Variants in STK3 observed in about 807,000 individuals in gnomAD.
STK3 encodes the protein serine/threonine-protein kinase 3.
In STK3, 41 loss-of-function variants were observed where a neutral mutation model predicts 58.0. That is an observed-to-expected ratio of 0.71 (90% CI 0.55 to 0.92). STK3 has a LOEUF of 0.92. STK3 is among the 40% of genes least tolerant of loss of function. The pLI is 0.00. For missense variants in STK3, 479 were observed against 602.7 expected (o/e 0.79, Z 2.15); for synonymous variants, 170 against 191.0 (o/e 0.89, Z 0.91).
intron 1 of STK3, among the ~76,000 whole-genome samples, chr8:98,387,256 T>C (rs1335209369): frequency 6.6e-6 from 1 of 152,210 alleles, no homozygotes; most frequent in Non-Finnish European, 1.5e-5. Flanking sequence ...TATTCTAAAA[T>C]ATATGTGTAG....
chr8:98,369,634 G>A (rs1208376318), downstream of STK3, among the ~76,000 whole-genome samples: 1 of 152,170 alleles, frequency 6.6e-6, no homozygotes, highest in Non-Finnish European at 1.5e-5. Flanking sequence ...TTGCAGGGAG[G>A]AGGAGGGGCC....
intron 1 of STK3, among the ~76,000 whole-genome samples, chr8:98,817,157 T>C (rs533919117): frequency 6.6e-6 from 1 of 152,092 alleles, no homozygotes; most frequent in East Asian, 1.9e-4. Flanking sequence ...AACAATAGGA[T>C]AAAAATAGAA....
At chr8:98,450,105 ACTTT>A (rs1273839253), downstream of STK3, among the ~76,000 whole-genome samples, 1 of 152,182 alleles carries the variant, frequency 6.6e-6, no homozygotes, top group Non-Finnish European at 1.5e-5. Context: ...AAGATATACA[ACTTT>A]CTTTCCTCCG....
intron 1 of STK3, among the ~76,000 whole-genome samples, chr8:98,908,427 C>A (rs1838995888): frequency 2.0e-5 from 3 of 152,184 alleles, no homozygotes; most frequent in Non-Finnish European, 4.4e-5. Flanking sequence ...ATGGCTCATG[C>A]CTGTAATCCC....
rs1326767170 is a variant in STK3 at position 98,800,510 on chromosome 8, G to A, written c.26+25005C>T. ...CCACGCTTGAGGAGCCCTTCAGCCTGCCGCTGCACTGTGGGAGCCCCTCTC... is the reference window on the plus strand; with the variant it reads ...CCACGCTTGAGGAGCCCTTCAGCCTACCGCTGCACTGTGGGAGCCCCTCTC... On this transcript the variant is annotated intron_variant, in intron 1 of 10. Transcript: ENST00000419617. This position sits in a 1 kb window ranked among gnomAD's most constrained non-coding sequence, Gnocchi z 4.8. Among the ~76,000 whole-genome samples, 1 of 152,238 alleles carries A rather than the reference G, an allele frequency of 6.6e-6. No individual in the cohort carries two copies. Among genetic ancestry groups the A allele is most frequent in the African/African-American group, 2.4e-5 (1 of 41,470 alleles).
intron 1 of STK3, among the ~76,000 whole-genome samples, chr8:98,448,582 G>A (rs1819057349): frequency 6.6e-6 from 1 of 152,184 alleles, no homozygotes; most frequent in South Asian, 2.1e-4. Context: ...CAGTGCTTTA[G>A]TATCAGGTTT....
chr8:98,589,149 A>G (rs1356342999), intron 7 of STK3, among the ~76,000 whole-genome samples: 83 of 152,220 alleles, frequency 5.5e-4, no homozygotes, highest in African/African-American at 1.3e-3. Context: ...GAGGAACTGC[A>G]TTCCTTTGGA....
At chr8:98,908,667 AC>A (rs1839009595) in intron 1 of STK3, among the ~76,000 whole-genome samples, 1 of 151,714 alleles carries the variant, frequency 6.6e-6, no homozygotes, top group African/African-American at 2.4e-5. Context: ...ACATGGTGAA[AC>A]CCTGTCTCTA....
intron 3 of STK3, among the ~76,000 whole-genome samples, chr8:98,838,862 C>G (rs1249599054): frequency 6.6e-6 from 1 of 152,030 alleles, no homozygotes; most frequent in Non-Finnish European, 1.5e-5. Context: ...TCTCCCTCCC[C>G]GCAATCCCGC....
At chr8:98,676,046 GAC>G (rs1342794506) in intron 6 of STK3, among the ~76,000 whole-genome samples, 2 of 152,170 alleles carry the variant, frequency 1.3e-5, no homozygotes, top group African/African-American at 4.8e-5. Context: ...ATGAAATTCT[GAC>G]AGTTACTACA....
intron 8 of STK3, among the ~76,000 whole-genome samples, chr8:98,552,507 A>C (rs1189311923): frequency 1.3e-5 from 2 of 152,138 alleles, no homozygotes; most frequent in Non-Finnish European, 2.9e-5. Context: ...TTTCTTGAGC[A>C]TTCTAAACAT....
chr8:98,768,707 C>T (rs1387671872), intron 2 of STK3, among the ~76,000 whole-genome samples: 1 of 152,258 alleles, frequency 6.6e-6, no homozygotes, highest in East Asian at 1.9e-4. Flanking sequence ...GAAAGAGAAG[C>T]TGCAATCCCC....
intron 9 of STK3, among the ~76,000 whole-genome samples, chr8:98,542,336 A>G (rs1810352801): frequency 6.6e-6 from 1 of 152,210 alleles, no homozygotes; most frequent in Admixed American, 6.5e-5. Flanking sequence ...AGTCGTATCA[A>G]TAGATATTAT....
chr8:98,826,448 C>T (rs907421553), upstream of STK3, among the ~76,000 whole-genome samples: 1 of 152,148 alleles, frequency 6.6e-6, no homozygotes, highest in Non-Finnish European at 1.5e-5. Context: ...AGTGAGATCT[C>T]TCGGTACACC....
intron 6 of STK3, among the ~76,000 whole-genome samples, chr8:98,620,379 G>C (rs1339913578): frequency 1.4e-5 from 2 of 142,548 alleles, no homozygotes; most frequent in Non-Finnish European, 3.1e-5. Flanking sequence ...TGACGAGTTA[G>C]TGGGTGCAGC....
chr8:98,480,939 T>C (rs1480157699), intron 10 of STK3, among the ~76,000 whole-genome samples: 1 of 152,238 alleles, frequency 6.6e-6, no homozygotes, highest in Admixed American at 6.5e-5. Flanking sequence ...TAAGTGTTTA[T>C]TGTACTATTT....
At chr8:98,575,224 G>A (rs1429476768) in intron 8 of STK3, among the ~76,000 whole-genome samples, 1 of 152,056 alleles carries the variant, frequency 6.6e-6, no homozygotes, top group Non-Finnish European at 1.5e-5. Flanking sequence ...AATAAGGTGC[G>A]GCCAGAGGAT....
intron 1 of STK3, among the ~76,000 whole-genome samples, chr8:98,937,468 C>T (rs1055549538): frequency 6.6e-6 from 1 of 152,262 alleles, no homozygotes; most frequent in African/African-American, 2.4e-5. Flanking sequence ...AAATGTAAGA[C>T]AGAATTCAAT....
chr8:98,586,085 G>T lies in STK3; in HGVS notation c.823-6296C>A, dbSNP rs374554624. On this transcript the variant is annotated intron_variant, in intron 7 of 10. Coordinates refer to ENST00000419617, the MANE Select transcript of STK3 (RefSeq NM_006281.4). The stretch of plus-strand genomic sequence containing the variant: ...CCTCTTTTTCTAATTGAATACCCTT[G>T]ATTTACTTCTCCTGCCTGATTGCCC... Among the ~76,000 whole-genome samples, 710 of 151,554 alleles carry T rather than the reference G, an allele frequency of 4.7e-3. 4 individuals carry two copies. The highest frequency in any genetic ancestry group is 0.016 in the African/African-American group (656 of 40,928).
Sources: gnomAD v4.1 joint callset for allele counts (sites outside exome capture counted in the v4.1 genomes callset) on GRCh38, gnomAD v4.1.1 for gene constraint, Gnocchi (gnomAD v3.1) non-coding constraint, MANE v1.5 for transcripts, NCBI Gene and HGNC (gene_info 2026-07-23, HGNC 2026-07-21) for gene names.